The following BAHCC1 variants were observed in gnomAD, a reference collection of about 807,000 sequenced individuals.
BAHCC1 encodes the protein BAH domain and coiled-coil containing 1.
A neutral mutation model predicts 88.2 loss-of-function variants in BAHCC1; 43 were observed. The ratio of observed to expected loss-of-function variants is 0.49; its 90% CI spans 0.38 to 0.63. The LOEUF (loss-of-function observed/expected upper bound fraction) is 0.63, where lower values mean the gene tolerates loss of function less well. Ranked by LOEUF, BAHCC1 falls within the 20% of genes least tolerant of loss-of-function variation. The probability of loss-of-function intolerance (pLI) is 0.00; values close to 1 mark genes in which losing one functional copy is unlikely to be tolerated. For synonymous variants in BAHCC1, 1,510 were observed against 745.5 expected (o/e 2.03, Z -16.71); for missense variants, 3,023 against 1,654.8 (o/e 1.83, Z -14.34).
chr17:81,402,644 A>C (rs1354320675), intron 2 of BAHCC1: 1 of 152,218 alleles, frequency 6.6e-6, no homozygotes, highest in Non-Finnish European at 1.5e-5. Flanking sequence ...AGTAGAATCC[A>C]ACCATCGGGG....
intron 2 of BAHCC1, chr17:81,402,940 C>T (rs1237780620): frequency 6.6e-6 from 1 of 152,246 alleles, no homozygotes; most frequent in Non-Finnish European, 1.5e-5. Flanking sequence ...TTCCAGTAAC[C>T]TTGTCACCAA....
rs553003334 is a variant in BAHCC1, at chr17:81,441,850, C to A, written c.501C>A (p.Asn167Lys). Reference sequence around the variant, plus strand: ...ACACAGATAACTTCTACCTGCGCAACCTGCCGCCCCAGCCCACGCTGCTGC... The same window carrying A: ...ACACAGATAACTTCTACCTGCGCAAACTGCCGCCCCAGCCCACGCTGCTGC... ...GTQKDNFYLR[N>K]LPPQPTLLPA... The change falls in exon 5 of 28, where the codon AAC becomes AAA. Residue 167 changes from asparagine to lysine, a missense_variant. By Grantham distance (94) the Asn-to-Lys change is moderately conservative. Transcript: ENST00000675386. 7 of 662,330 alleles carry A rather than the reference C, an allele frequency of 1.1e-5. No individual in the cohort carries two copies. The highest frequency in any genetic ancestry group is 8.8e-5 in the South Asian group (5 of 56,934). 41.0% of individuals were successfully genotyped at this position (662,330 alleles called of 1,614,324 possible).
chr17:81,459,326 G>A lies in BAHCC1; in HGVS notation c.5794G>A (p.Ala1932Thr). The A allele has an allele frequency of 1.3e-6, 1 of 778,856 alleles. No homozygotes were observed. The highest frequency in any genetic ancestry group is 2.4e-6 in the Non-Finnish European group (1 of 417,586). The allele number at this position is 778,856 out of a possible 1,614,324, so 48.2% of individuals were successfully genotyped here. ...IYSLEQLLQE[A>T]VLDVRPQSSR... Reference sequence around the variant, plus strand: ...CTCACTGGAGCAGCTGCTGCAGGAAGCGGTGAGGACCGGGCCGGCCCGCCC... The same window carrying A: ...CTCACTGGAGCAGCTGCTGCAGGAAACGGTGAGGACCGGGCCGGCCCGCCC... Residue 1932 changes from alanine (A) to threonine (T), a missense_variant and splice_region_variant, in exon 22 of 28, where the codon GCG (alanine) becomes ACG (threonine). Coordinates refer to ENST00000675386, the MANE Select transcript of BAHCC1 (RefSeq NM_001377448.1).
chr17:81,464,032 G>GAGGGT lies in BAHCC1; in HGVS notation c.*216_*220dup. ...ATCCAGTCCCGTCCCATCCTCTGCGGAGGGTCGGGCTGTGGCCCTCATGGG... is the reference window on the plus strand; with the variant it reads ...ATCCAGTCCCGTCCCATCCTCTGCGGAGGGTAGGGTCGGGCTGTGGCCCTCATGGG... On this transcript the variant is annotated 3_prime_UTR_variant, in exon 28 of 28. Coordinates refer to ENST00000675386, the MANE Select transcript of BAHCC1 (RefSeq NM_001377448.1). 1 of 589,042 alleles carries GAGGGT rather than the reference G, an allele frequency of 1.7e-6. No homozygotes were observed. The highest frequency in any genetic ancestry group is 3.0e-6 in the Non-Finnish European group (1 of 329,226). 36.5% of individuals were successfully genotyped at this position (589,042 alleles called of 1,614,324 possible).
chr17:81,421,918 G>C, intron 2 of BAHCC1: 1 of 416,358 alleles, frequency 2.4e-6, no homozygotes, highest in Middle Eastern at 3.4e-4. Context: ...TGTGATACTG[G>C]AGAAGGGTAT....
intron 2 of BAHCC1, among the ~76,000 whole-genome samples, chr17:81,417,269 G>A (rs1555648876): frequency 2.0e-5 from 3 of 152,178 alleles, no homozygotes; most frequent in African/African-American, 4.8e-5. Context: ...AGCTGCGGGG[G>A]GCGGCGCCGA....
chr17:81,411,566 T>G lies in BAHCC1; in HGVS notation c.178+11649T>G. On this transcript the variant is annotated intron_variant, in intron 2 of 27. Coordinates refer to ENST00000675386, the MANE Select transcript of BAHCC1 (RefSeq NM_001377448.1). This position sits in a 1 kb window ranked among gnomAD's most constrained non-coding sequence, Gnocchi z 6.2. ...TTCCTTCCTTCCTTCCTTCCTTCCT[T>G]CCTTCCTTGAGAGGCCTCTCTACCC... The G allele has an allele frequency of 2.4e-6, 1 of 416,596 alleles. No individual in the cohort carries two copies. 25.8% of individuals were successfully genotyped at this position (416,596 alleles called of 1,614,324 possible).
At position 81,439,971 on chromosome 17, in the gene BAHCC1, C is replaced by T. The variant is rs28661163; in HGVS notation, c.481+1479C>T. On this transcript the variant is annotated intron_variant, in intron 4 of 27. Coordinates refer to ENST00000675386, the MANE Select transcript of BAHCC1 (RefSeq NM_001377448.1). The stretch of plus-strand genomic sequence containing the variant: ...CTGCACTTCCTCGCCTGCAGGAGCC[C>T]GAGATTTGCTAAGGCTCAGGAGGGC... Among the ~76,000 whole-genome samples, 216 of 152,240 alleles carry T rather than the reference C, an allele frequency of 1.4e-3. 1 individual carries two copies. The highest frequency in any genetic ancestry group is 5.0e-3 in the African/African-American group (208 of 41,522).
intron 1 of BAHCC1, among the ~76,000 whole-genome samples, chr17:81,397,412 AC>A (rs2063757306): frequency 6.7e-6 from 1 of 149,736 alleles, no homozygotes; most frequent in African/African-American, 2.4e-5. Context: ...AAAAAAAAAA[AC>A]AACCACAAAA....
In BAHCC1 at chr17:81,463,689, G is replaced by A. The variant is rs782772593; in HGVS notation, c.7699G>A (p.Glu2567Lys). The change falls in exon 28 of 28, where the codon GAG becomes AAG. Residue 2567 changes from glutamate to lysine, a missense_variant. Glu to Lys is a moderately conservative substitution (Grantham distance 56). Coordinates refer to ENST00000675386, the MANE Select transcript of BAHCC1 (RefSeq NM_001377448.1). ...ISHKCQVVAR[E>K]QYEQMARSRK... The stretch of plus-strand genomic sequence containing the variant: ...CCACAAGTGCCAGGTCGTGGCGCGC[G>A]AGCAGTATGAGCAGATGGCCCGGAG... The A allele has an allele frequency of 1.3e-5, 10 of 779,538 alleles. No individual in the cohort carries two copies. Among genetic ancestry groups the A allele is most frequent in the African/African-American group, 6.8e-5 (4 of 59,148 alleles). The allele number at this position is 779,538 out of a possible 1,614,324, so 48.3% of individuals were successfully genotyped here.
intron 3 of BAHCC1, among the ~76,000 whole-genome samples, chr17:81,428,173 C>T (rs1187118804): frequency 6.6e-6 from 1 of 152,176 alleles, no homozygotes; most frequent in Admixed American, 6.5e-5. Context: ...CCCACCCCTG[C>T]ACTACTAGCG....
At chr17:81,405,877 C>T (rs2063872177) in intron 2 of BAHCC1, among the ~76,000 whole-genome samples, 1 of 152,218 alleles carries the variant, frequency 6.6e-6, no homozygotes, top group Non-Finnish European at 1.5e-5. Flanking sequence ...GAGAGTCTCC[C>T]CCAACCCCCT....
At chr17:81,455,422 GCCCTTCAGGT>G (rs542799594) in intron 15 of BAHCC1, 32 bp downstream of exon 15, 246 of 712,530 alleles carry the variant, frequency 3.5e-4, no homozygotes, top group African/African-American at 1.1e-3. Flanking sequence ...TTGCCCCAGG[GCCCTTCAGGT>G]CCCTTCAGGT....
intron 2 of BAHCC1, chr17:81,401,395 T>C (rs1555646027): frequency 6.5e-6 from 1 of 152,698 alleles, no homozygotes; most frequent in African/African-American, 2.4e-5. Context: ...TTTCTCCCTT[T>C]CTTTTTTCTC....
rs1484597139 is a variant in BAHCC1, at chr17:81,399,963, C to T, written c.178+46C>T. 18 of 1,271,882 alleles carry T rather than the reference C, an allele frequency of 1.4e-5. No individual in the cohort carries two copies. Among genetic ancestry groups the T allele is most frequent in the South Asian group, 2.2e-5 (1 of 45,114 alleles). 78.8% of individuals were successfully genotyped at this position (1,271,882 alleles called of 1,614,324 possible). ...GGCGCGGGACGGGAGCGTTCGAGAG[C>T]GGAACAGGGCGCCCACCCCTCCGCT... On this transcript the variant is annotated intron_variant, in intron 2 of 27. Coordinates refer to ENST00000675386, the MANE Select transcript of BAHCC1 (RefSeq NM_001377448.1). This position sits in a 1 kb window ranked among gnomAD's most constrained non-coding sequence, Gnocchi z 4.5.
chr17:81,426,682 T>C (rs899884326), intron 2 of BAHCC1, 118 bp from the exon 3 acceptor site: 208,158 of 397,976 alleles, frequency 0.52, 55,378 homozygotes, highest in African/African-American at 0.68. Flanking sequence ...TCAAAGGCTC[T>C]GGGGGAGATT....
chr17:81,411,149 G>C lies in BAHCC1; in HGVS notation c.178+11232G>C, dbSNP rs2073989608. 1.9e-6 allele frequency: 1 copy of C among 519,184 alleles called. No homozygotes were observed. 32.2% of individuals were successfully genotyped at this position (519,184 alleles called of 1,614,324 possible). A position where few individuals can be genotyped will look rare whatever the true frequency, so the allele number is the denominator to read the frequency against. On this transcript the variant is annotated intron_variant, in intron 2 of 27. Coordinates refer to ENST00000675386, the MANE Select transcript of BAHCC1 (RefSeq NM_001377448.1). This position sits in a 1 kb window ranked among gnomAD's most constrained non-coding sequence, Gnocchi z 6.2. ...GCGTGAGTCCATTCATCACGTGCCTGCAGGTGCCTGTGTCCTGTCTCTGCC... is the reference window on the plus strand; with the variant it reads ...GCGTGAGTCCATTCATCACGTGCCTCCAGGTGCCTGTGTCCTGTCTCTGCC...
intron 2 of BAHCC1, chr17:81,415,681 C>T (rs1210125002): frequency 2.4e-5 from 10 of 410,972 alleles, no homozygotes; most frequent in East Asian, 7.2e-5. Flanking sequence ...TGAGTCCCCT[C>T]GGTGGGAGGT....
intron 10 of BAHCC1, 28 bp from the exon 11 acceptor site, chr17:81,447,008 C>T: frequency 1.3e-6 from 1 of 777,966 alleles, no homozygotes; most frequent in Non-Finnish European, 2.4e-6. Flanking sequence ...ACTCCCAGCT[C>T]CCTGCTGACC....
Sources: allele counts gnomAD v4.1 joint callset (sites outside exome capture counted in the v4.1 genomes callset), GRCh38; gene constraint gnomAD v4.1.1; non-coding constraint Gnocchi (gnomAD v3.1); transcripts MANE v1.5; gene names NCBI Gene and HGNC (gene_info 2026-07-23, HGNC 2026-07-21).